PFAS: variants seen among roughly 807,000 people sequenced by gnomAD.
PFAS encodes FGAM synthase.
Under a neutral mutation model 140.6 loss-of-function variants are expected in PFAS, and 97 were observed. The ratio of observed to expected loss-of-function variants is 0.69; its 90% CI spans 0.59 to 0.82. The LOEUF (loss-of-function observed/expected upper bound fraction) is 0.82. PFAS is among the 40% of genes least tolerant of loss of function. PFAS has a pLI of 0.00. For missense variants in PFAS, 1,656 were observed against 1,780.2 expected (o/e 0.93, Z 1.26); for synonymous variants, 679 against 718.8 (o/e 0.94, Z 0.88).
rs962871791 is a variant in PFAS, at chr17:8,264,505, G to A, written c.1953G>A (p.Gln651=). Residue 651 remains glutamine, a synonymous_variant, in exon 17 of 28, where the codon CAG becomes CAA. Coordinates refer to ENST00000314666, the MANE Select transcript of PFAS (RefSeq NM_012393.3). ...TGCAGAGGAAGCCCCCCATGCTGCA[G>A]CCTCTGGCCTTGCCCCCAGGGCTGA... ...FFLQRKPPML[Q]PLALPPGLSV... 9.3e-6 allele frequency: 15 copies of A among 1,613,818 alleles called. No individual in the cohort carries two copies. The African/African-American group carries it at 1.6e-4, about 17-fold the overall frequency.
In PFAS at chr17:8,256,534, G is replaced by A; in HGVS notation, c.832G>A (p.Gly278Arg). The change falls in exon 8 of 28, where the codon GGA becomes AGA. Residue 278 changes from glycine to arginine, a missense_variant. By Grantham distance (125) the Gly-to-Arg change is moderately radical. Transcript: ENST00000314666. ...CGGGTATGTCCACAGTGCAATCCAGGGAAAGGAAGTCCGATTCCTACGGCC... is the reference window on the plus strand; with the variant it reads ...CGGGTATGTCCACAGTGCAATCCAGAGAAAGGAAGTCCGATTCCTACGGCC... ...KFCDNSSAIQGKEVRFLRPED... is the reference protein window; with the variant it reads ...KFCDNSSAIQRKEVRFLRPED... 1 of 1,614,160 alleles carries A rather than the reference G, an allele frequency of 6.2e-7. No homozygotes were observed. Among genetic ancestry groups the A allele is most frequent in the Admixed American group, 1.7e-5 (1 of 60,026 alleles).
Position 8,268,826 on chromosome 17 carries a change from G to T in PFAS, c.3676G>T (p.Val1226Leu). The change falls in exon 27 of 28, where the codon GTG becomes TTG. Residue 1226 changes from valine (V) to leucine (L), a missense_variant. This residue lies in a region of PFAS where 883 missense variants were observed against 1,023.0 expected (regional missense o/e 0.86). Coordinates refer to ENST00000314666, the MANE Select transcript of PFAS (RefSeq NM_012393.3). ...GATGCTGCGAGGGATGGAGGGCGCC[G>T]TGCTGCCCGTGTGGAGTGCGCACGG... ...ALMLRGMEGA[V>L]LPVWSAHGEG... The T allele has an allele frequency of 6.2e-7, 1 of 1,607,858 alleles. No homozygotes were observed. The highest frequency in any genetic ancestry group is 8.5e-7 in the Non-Finnish European group (1 of 1,179,818).
At chr17:8,260,096 G>C (rs1989531155) in intron 11 of PFAS, among the ~76,000 whole-genome samples, 1 of 144,192 alleles carries the variant, frequency 6.9e-6, no homozygotes, top group African/African-American at 2.5e-5. Context: ...GTGAGACTCT[G>C]TCTCAAAAAA....
At chr17:8,250,193 G>C (rs1254340840) in intron 1 of PFAS, among the ~76,000 whole-genome samples, 1 of 152,230 alleles carries the variant, frequency 6.6e-6, no homozygotes, top group Non-Finnish European at 1.5e-5. Flanking sequence ...AGAATGGTGT[G>C]AGATAGGGTT....
At chr17:8,248,410 A>ATTTTTTTTTTTTTTTTTTT (rs35534210), upstream of PFAS, among the ~76,000 whole-genome samples, 207 of 67,636 alleles carry the variant, frequency 3.1e-3, 2 homozygotes, top group Non-Finnish European at 3.9e-3. Context: ...CGCCCGGCTA[A>ATTTTTTTTTTTTTTTTTTT]TTTTTTTTTT....
At chr17:8,248,594 AT>A (rs1988982390), upstream of PFAS, among the ~76,000 whole-genome samples, 1 of 131,918 alleles carries the variant, frequency 7.6e-6, no homozygotes, top group Admixed American at 7.4e-5. Context: ...GTCTCGCTCT[AT>A]CGCCCAGGCT....
At position 8,263,564 on chromosome 17, in the gene PFAS, C is replaced by T. The variant is rs1989680344; in HGVS notation, c.1568-11C>T. On this transcript the variant is annotated splice_polypyrimidine_tract_variant and intron_variant, in intron 13 of 27. Coordinates refer to ENST00000314666, the MANE Select transcript of PFAS (RefSeq NM_012393.3). Reference sequence around the variant, plus strand: ...CTAGGTCACTGCTTCTCCTTGCAACCCTCTCACCAGGCAATGTCCTAAAAG... The same window carrying T: ...CTAGGTCACTGCTTCTCCTTGCAACTCTCTCACCAGGCAATGTCCTAAAAG... The T allele has an allele frequency of 6.2e-7, 1 of 1,612,688 alleles. No individual in the cohort carries two copies. The highest frequency in any genetic ancestry group is 1.3e-5 in the African/African-American group (1 of 74,850).
In PFAS at chr17:8,264,644, G is replaced by A. The variant is rs78296773; in HGVS notation, c.2049+43G>A. The A allele has an allele frequency of 4.7e-4, 729 of 1,551,020 alleles. 2 individuals are homozygous for A. Among genetic ancestry groups the A allele is most frequent in the Non-Finnish European group, 5.1e-4 (586 of 1,147,280 alleles). On this transcript the variant is annotated intron_variant, in intron 17 of 27. Transcript: ENST00000314666. ...CCTCTGCCCCCTGCCTCCTTCCTCC[G>A]CTCAGCCTCTTCTGCCCTCCCACCC...
upstream of PFAS, chr17:8,248,095 G>A (rs886053610): frequency 5.0e-6 from 6 of 1,192,242 alleles, no homozygotes. Context: ...TGGGGATGGG[G>A]GTGGGGGGGC....
At position 8,270,241 on chromosome 17, in the gene PFAS, T is replaced by C. The variant is rs966479900; in HGVS notation, c.*977T>C. ...ATCCCTAGATCCTAACCCTTTAGTA[T>C]GCTGGAATTCTACTCTTCACTTACT... On this transcript the variant is annotated 3_prime_UTR_variant, in exon 28 of 28. Coordinates refer to ENST00000314666, the MANE Select transcript of PFAS (RefSeq NM_012393.3). The C allele has an allele frequency of 2.0e-5, 3 of 152,198 alleles. No individual in the cohort carries two copies. Among genetic ancestry groups the C allele is most frequent in the African/African-American group, 7.2e-5 (3 of 41,448 alleles). The allele number at this position is 152,198 out of a possible 1,614,324, so 9.4% of individuals were successfully genotyped here. A position where few individuals can be genotyped will look rare whatever the true frequency, so the allele number is the denominator to read the frequency against.
intron 3 of PFAS, among the ~76,000 whole-genome samples, 195 bp downstream of exon 3, chr17:8,254,496 A>T (rs1254443206): frequency 6.6e-6 from 1 of 152,182 alleles, no homozygotes; most frequent in African/African-American, 2.4e-5. Flanking sequence ...AATAAATTAG[A>T]TTCCAAGTTA....
At chr17:8,251,994 T>G (rs557229895) in intron 1 of PFAS, among the ~76,000 whole-genome samples, 124 of 152,180 alleles carry the variant, frequency 8.1e-4, no homozygotes, top group African/African-American at 2.6e-3. Context: ...ATTCTTTTTT[T>G]TTGTTTTAAT....
At position 8,269,554 on chromosome 17, in the gene PFAS, A is replaced by C. The variant is rs1989952397; in HGVS notation, c.*290A>C. On this transcript the variant is annotated 3_prime_UTR_variant, in exon 28 of 28. Transcript: ENST00000314666. ...GAAAAGTTAGGACTCCTGAGGTCCG[A>C]ACAGGGGCTTCTGTTGCCCACTTCA... 2.7e-6 allele frequency: 1 copy of C among 368,942 alleles called. No homozygotes were observed. Among genetic ancestry groups the C allele is most frequent in the Non-Finnish European group, 4.9e-6 (1 of 202,776 alleles). 22.9% of individuals were successfully genotyped at this position (368,942 alleles called of 1,614,324 possible).
At chr17:8,253,340 G>A (rs1197538008) in intron 1 of PFAS, among the ~76,000 whole-genome samples, 1 of 152,262 alleles carries the variant, frequency 6.6e-6, no homozygotes, top group African/African-American at 2.4e-5. Flanking sequence ...CACGTGTCAG[G>A]TGTGTGCCTG....
rs1178599471 is a variant in PFAS at position 8,253,971 on chromosome 17, T to C, written c.34T>C (p.Ser12Pro). The C allele has an allele frequency of 9.3e-6, 15 of 1,613,950 alleles. No individual in the cohort carries two copies. Among genetic ancestry groups the C allele is most frequent in the Non-Finnish European group, 1.2e-5 (14 of 1,179,992 alleles). ...SPVLHFYVRP[S>P]GHEGAAPGHT... is the part of the protein sequence containing the mutation. ...AGTCCTTCACTTCTATGTTCGTCCC[T>C]CTGGCCATGAGGGGGCAGCCCCTGG... is the stretch of plus-strand genomic sequence containing the variant. The change falls in exon 2 of 28, where the codon TCT becomes CCT. Residue 12 changes from serine to proline, a missense_variant. Around this residue, in one of 2 missense-constraint regions of PFAS, gnomAD observed 773 missense variants for 757.3 expected, o/e 1.02. Transcript: ENST00000314666.
intron 11 of PFAS, among the ~76,000 whole-genome samples, chr17:8,261,840 A>C (rs989061765): frequency 5.3e-5 from 8 of 151,756 alleles, no homozygotes; most frequent in African/African-American, 1.7e-4. Context: ...CGAATTCCTG[A>C]GCTCAAGCGA....
At chr17:8,261,500 A>G (rs1234681041) in intron 11 of PFAS, among the ~76,000 whole-genome samples, 1 of 151,948 alleles carries the variant, frequency 6.6e-6, no homozygotes, top group East Asian at 1.9e-4. Flanking sequence ...CAGCCTCCCA[A>G]AGTGCTAGGA....
At chr17:8,248,008 G>C (rs745686555), upstream of PFAS, 6 of 1,577,602 alleles carry the variant, frequency 3.8e-6, no homozygotes, top group Non-Finnish European at 5.2e-6. Flanking sequence ...ACTCACGGAG[G>C]AAGGGACCTG....
intron 1 of PFAS, among the ~76,000 whole-genome samples, chr17:8,250,290 C>T (rs1174949956): frequency 6.6e-6 from 1 of 152,130 alleles, no homozygotes. Context: ...AGCCATAATC[C>T]ACTTTATGCT....
Sources: gnomAD v4.1 joint callset for allele counts (sites outside exome capture counted in the v4.1 genomes callset) on GRCh38, gnomAD v4.1.1 for gene constraint, gnomAD v4.1.1 regional missense constraint, MANE v1.5 for transcripts, NCBI Gene and HGNC (gene_info 2026-07-23, HGNC 2026-07-21) for gene names.